Variants in ADAT1 observed in about 807,000 individuals in gnomAD.
ADAT1 encodes adenosine deaminase tRNA specific 1.
A neutral mutation model predicts 58.6 loss-of-function variants in ADAT1; 58 were observed. The ratio of observed to expected loss-of-function variants is 0.99; its 90% confidence interval spans 0.80 to 1.23. ADAT1 has a LOEUF of 1.23. ADAT1 is among the 50% of genes most tolerant of loss of function. The pLI is 0.00. For missense variants in ADAT1, 741 were observed against 608.6 expected, an observed-to-expected ratio of 1.22 and a Z score of -2.29; for synonymous variants, 254 against 220.8, an observed-to-expected ratio of 1.15 and a Z score of -1.33.
intron 6 of ADAT1, among the ~76,000 whole-genome samples, chr16:75,610,239 T>C (rs953592965): frequency 6.6e-6 from 1 of 152,216 alleles, no homozygotes; most frequent in Non-Finnish European, 1.5e-5. Flanking sequence ...TCTTTTTGTT[T>C]ATTATGAATA....
At chr16:75,618,864 A>T (rs895704101) in intron 3 of ADAT1, among the ~76,000 whole-genome samples, 3 of 152,062 alleles carry the variant, frequency 2.0e-5, no homozygotes, top group African/African-American at 7.2e-5. Flanking sequence ...GTTGTGGGGG[A>T]TCTATTCCAT....
chr16:75,612,510 G>A lies in ADAT1; in HGVS notation c.776C>T (p.Thr259Ile). The A allele has an allele frequency of 6.2e-7, 1 of 1,614,196 alleles. No individual in the cohort carries two copies. ...TTCTCCAGGTACACACTTGGCTCCA[G>A]TTCTATAAACGTCTATCACTTTGGC... Reference protein sequence around the residue: ...GSAKVIDVYRTGAKCVPGEAG... With the variant: ...GSAKVIDVYRIGAKCVPGEAG... The change falls in exon 6 of 10, where the codon ACT becomes ATT. Residue 259 changes from threonine (T) to isoleucine (I), a missense_variant. By Grantham distance (89) the Thr-to-Ile change is moderately conservative. Transcript: ENST00000564657.
intron 4 of ADAT1, among the ~76,000 whole-genome samples, chr16:75,618,098 C>CAAAA (rs1163510620): frequency 0.034 from 1,090 of 32,528 alleles, 88 homozygotes; most frequent in Non-Finnish European, 0.042. Context: ...ACCCTGTGTC[C>CAAAA]AAAAAAAAAA....
chr16:75,621,796 A>G (rs1227201720), intron 1 of ADAT1, among the ~76,000 whole-genome samples: 1 of 152,160 alleles, frequency 6.6e-6, no homozygotes, highest in Non-Finnish European at 1.5e-5. Flanking sequence ...TCTTGGCCCT[A>G]TCAATGCTCA....
At position 75,608,335 on chromosome 16, in the gene ADAT1, T is replaced by A. The variant is rs983192792; in HGVS notation, c.1190-12A>T. 6.2e-7 allele frequency: 1 copy of A among 1,610,374 alleles called. No individual in the cohort carries two copies. The highest frequency in any genetic ancestry group is 1.7e-5 in the Admixed American group (1 of 59,996). ...ACTCCAGCTGATGGCTATGAAAAGA[T>A]AAGATTCTAGGGTTAAAACTGCTCA... On this transcript the variant is annotated splice_polypyrimidine_tract_variant and intron_variant, in intron 7 of 9. Coordinates refer to ENST00000564657, the MANE Select transcript of ADAT1 (RefSeq NM_001324445.2).
Position 75,598,048 on chromosome 16 carries a change from T to C in ADAT1, c.*2168A>G, listed in dbSNP as rs2081118402. On this transcript the variant is annotated 3_prime_UTR_variant, in exon 10 of 10. Coordinates refer to ENST00000564657, the MANE Select transcript of ADAT1 (RefSeq NM_001324445.2). The stretch of plus-strand genomic sequence containing the variant: ...CCCACCAACAACCTGTTTGGACTTC[T>C]AGCCTCCAGAACTGAAAGGGGATAC... 1 of 156,556 alleles carries C rather than the reference T, an allele frequency of 6.4e-6. No homozygotes were observed. Among genetic ancestry groups the C allele is most frequent in the African/African-American group, 2.4e-5 (1 of 41,502 alleles). 9.7% of individuals were successfully genotyped at this position (156,556 alleles called of 1,614,324 possible). A position where few individuals can be genotyped will look rare whatever the true frequency, so the allele number is the denominator to read the frequency against.
intron 7 of ADAT1, among the ~76,000 whole-genome samples, 172 bp downstream of exon 7, chr16:75,608,671 C>T (rs1190699512): frequency 6.6e-6 from 1 of 152,194 alleles, no homozygotes. Flanking sequence ...AAATAACATG[C>T]CGGGGGTCAC....
In ADAT1 at chr16:75,622,534, CAG is replaced by C. The variant is rs375069075; in HGVS notation, c.-155_-154del. ...GGCAGGTAGAAGTTGCCAGAAGAAACAGTGACTCTCTTTAAGATGAAGCAGCC... is the reference window on the plus strand; with the variant it reads ...GGCAGGTAGAAGTTGCCAGAAGAAACTGACTCTCTTTAAGATGAAGCAGCC... On this transcript the variant is annotated 5_prime_UTR_variant, in exon 1 of 10. Transcript: ENST00000564657. 6.6e-5 allele frequency: 10 copies of C among 152,294 alleles called. No individual in the cohort carries two copies. Among genetic ancestry groups the C allele is most frequent in the African/African-American group, 2.4e-4 (10 of 41,558 alleles). The allele number at this position is 152,294 out of a possible 1,614,324, so 9.4% of individuals were successfully genotyped here.
chr16:75,619,112 C>T (rs927136691), intron 3 of ADAT1, among the ~76,000 whole-genome samples: 9 of 152,180 alleles, frequency 5.9e-5, no homozygotes, highest in African/African-American at 1.9e-4. Context: ...GGTACAATTC[C>T]ATCTAATCCA....
At chr16:75,612,195 C>G (rs773275992) in intron 6 of ADAT1, 48 bp downstream of exon 6, 1 of 1,584,702 alleles carries the variant, frequency 6.3e-7, no homozygotes, top group African/African-American at 1.3e-5. Context: ...TACCCTCAGA[C>G]TGCCTCTTGG....
rs543086087 is a variant in ADAT1, at chr16:75,622,853, G to A, written c.-472C>T. ...AGAAAAGGCTTCAGCGATGCTTGGA[G>A]GAAGGGACTCTGGTTTACGCTGGCT... On this transcript the variant is annotated 5_prime_UTR_variant, in exon 1 of 10. Transcript: ENST00000564657. 6.6e-6 allele frequency: 1 copy of A among 152,318 alleles called. No individual in the cohort carries two copies. Among genetic ancestry groups the A allele is most frequent in the South Asian group, 2.1e-4 (1 of 4,830 alleles). The allele number at this position is 152,318 out of a possible 1,614,324, so 9.4% of individuals were successfully genotyped here.
At chr16:75,601,510 A>G (rs895923484) in intron 9 of ADAT1, among the ~76,000 whole-genome samples, 5 of 152,008 alleles carry the variant, frequency 3.3e-5, no homozygotes, top group African/African-American at 4.8e-5. Context: ...TAATCCTGGC[A>G]CTTTGGGAGG....
chr16:75,611,602 G>C (rs2081536096), intron 6 of ADAT1, among the ~76,000 whole-genome samples: 1 of 151,780 alleles, frequency 6.6e-6, no homozygotes, highest in African/African-American at 2.4e-5. Flanking sequence ...GGCTGGTCTA[G>C]AACTTCTGTG....
At position 75,603,151 on chromosome 16, in the gene ADAT1, T is replaced by C. The variant is rs751470939; in HGVS notation, c.1310A>G (p.Glu437Gly). The C allele has an allele frequency of 1.4e-5, 22 of 1,614,084 alleles. No individual in the cohort carries two copies. Among genetic ancestry groups the C allele is most frequent in the Non-Finnish European group, 1.8e-5 (21 of 1,179,950 alleles). ...CAGCTTCTGGAATGATCTGAAGAGT[T>C]CCACTTTGCTGATTTGGGATCTGTT... The part of the protein sequence containing the change: ...LQARSQISKV[E>G]LFRSFQKLLS... Residue 437 changes from glutamate to glycine, a missense_variant, in exon 9 of 10, where the codon GAA becomes GGA. By Grantham distance (98) the Glu-to-Gly change is moderately conservative. Coordinates refer to ENST00000564657, the MANE Select transcript of ADAT1 (RefSeq NM_001324445.2).
chr16:75,610,716 T>G (rs2081505947), intron 6 of ADAT1, among the ~76,000 whole-genome samples: 1 of 152,174 alleles, frequency 6.6e-6, no homozygotes, highest in South Asian at 2.1e-4. Flanking sequence ...GGCCATGGCT[T>G]TGCCCTGCCC....
intron 9 of ADAT1, among the ~76,000 whole-genome samples, chr16:75,601,189 A>T (rs1446191783): frequency 6.6e-6 from 1 of 151,870 alleles, no homozygotes; most frequent in Non-Finnish European, 1.5e-5. Context: ...AAAAATACAA[A>T]ATTAGCCGGG....
chr16:75,612,670 T>C lies in ADAT1; in HGVS notation c.616A>G (p.Arg206Gly), dbSNP rs145161932. 351 of 1,614,098 alleles carry C rather than the reference T, an allele frequency of 2.2e-4. 3 individuals are homozygous for C. In the East Asian group the frequency reaches 7.7e-3, roughly 35 times the overall value. The change falls in exon 6 of 10, where the codon AGG becomes GGG. Residue 206 changes from arginine to glycine, a missense_variant. Arg to Gly is a moderately radical substitution (Grantham distance 125). Coordinates refer to ENST00000564657, the MANE Select transcript of ADAT1 (RefSeq NM_001324445.2). ...KMRLEPGTAAREVTNGAAHHQ... is the reference protein window; with the variant it reads ...KMRLEPGTAAGEVTNGAAHHQ... ...TGAGCTGCTCCGTTGGTGACCTCCC[T>C]GGCTGCAGTCCCAGGCTCAAGCCTC...
Position 75,609,000 on chromosome 16 carries a change from G to T in ADAT1, c.1044-12C>A. ...ACACATTCTGACACCTAAATACAAG[G>T]GAAAATGCATTCAGTTTAGGTGCAT... is the stretch of plus-strand genomic sequence containing the variant. On this transcript the variant is annotated splice_polypyrimidine_tract_variant and intron_variant, in intron 6 of 9. Coordinates refer to ENST00000564657, the MANE Select transcript of ADAT1 (RefSeq NM_001324445.2). The T allele has an allele frequency of 6.2e-7, 1 of 1,613,800 alleles. No individual in the cohort carries two copies. The highest frequency in any genetic ancestry group is 8.5e-7 in the Non-Finnish European group (1 of 1,179,904).
chr16:75,604,474 T>TATATACACACACACACACAC (rs1324943206), intron 8 of ADAT1, among the ~76,000 whole-genome samples: 1 of 54,020 alleles, frequency 1.9e-5, no homozygotes, highest in Non-Finnish European at 2.8e-5. Context: ...TATATATATA[T>TATATACACACACACACACAC]ACACACACAC....
Sources: gnomAD v4.1 joint callset for allele counts (sites outside exome capture counted in the v4.1 genomes callset) on GRCh38, gnomAD v4.1.1 for gene constraint, MANE v1.5 for transcripts, NCBI Gene and HGNC (gene_info 2026-07-23, HGNC 2026-07-21) for gene names.